EHF: variants seen among roughly 807,000 people sequenced by gnomAD.
The protein encoded by EHF is ETS homologous factor, also known as ESE3 transcription factor.
Under a neutral mutation model 45.1 loss-of-function variants are expected in EHF, and 14 were observed. The observed-to-expected ratio is 0.31, with a 90% CI of 0.21 to 0.49. The LOEUF is 0.49. Among genes scored for constraint, EHF ranks in the 20% least tolerant of loss-of-function variants. EHF has a pLI of 0.99. For missense variants in EHF, 282 were observed against 371.4 expected (o/e 0.76, Z 1.98); for synonymous variants, 136 against 131.8 (o/e 1.03, Z -0.22).
rs755937858 is a variant in EHF, at chr11:34,657,021, C to A, written c.607+51C>A. 2.5e-6 allele frequency: 4 copies of A among 1,604,534 alleles called. No individual in the cohort carries two copies. The Admixed American group carries it at 5.1e-5, about 20-fold the overall frequency. ...CTTTGGTCCTTCCCATCACATCGGG[C>A]ACATCTGGAGGCCACTAGTTTTTTG... On this transcript the variant is annotated intron_variant, in intron 7 of 8. Coordinates refer to ENST00000257831, the MANE Select transcript of EHF (RefSeq NM_012153.6).
At chr11:34,646,027 GGTGTGTGTGTGTGTGTGTGT>G (rs71041935) in intron 2 of EHF, among the ~76,000 whole-genome samples, 2 of 144,328 alleles carry the variant, frequency 1.4e-5, no homozygotes, top group South Asian at 2.3e-4. Flanking sequence ...TGAGTTTGGT[GGTGTGTGTGTGTGTGTGTGT>G]GTGTGTGTGT....
In EHF at chr11:34,659,058, C is replaced by A. The variant is rs1341306296; in HGVS notation, c.*127C>A. 4 of 668,108 alleles carry A rather than the reference C, an allele frequency of 6.0e-6. No individual in the cohort carries two copies. Among genetic ancestry groups the A allele is most frequent in the Non-Finnish European group, 9.8e-6 (4 of 407,476 alleles). 41.4% of individuals were successfully genotyped at this position (668,108 alleles called of 1,614,324 possible). A position where few individuals can be genotyped will look rare whatever the true frequency, so the allele number is the denominator to read the frequency against. On this transcript the variant is annotated 3_prime_UTR_variant, in exon 9 of 9. Transcript: ENST00000257831. The stretch of plus-strand genomic sequence containing the variant: ...TATGTACCATGAGGGGAACAAGAAA[C>A]TACTTCTAACGGGAAGAAGAAACAC...
At chr11:34,645,849 G>A (rs1854456256) in intron 2 of EHF, among the ~76,000 whole-genome samples, 1 of 152,268 alleles carries the variant, frequency 6.6e-6, no homozygotes, top group South Asian at 2.1e-4. Flanking sequence ...GACTACTAAA[G>A]GTAACTGAGT....
chr11:34,643,857 G>A (rs544662222), intron 2 of EHF, among the ~76,000 whole-genome samples: 1 of 152,320 alleles, frequency 6.6e-6, no homozygotes, highest in African/African-American at 2.4e-5. Context: ...TCTCCTGCTT[G>A]CTCTGGAGAA....
rs1855746045 is a variant in EHF at position 34,657,101 on chromosome 11, T to G, written c.607+131T>G. The G allele has an allele frequency of 2.7e-6, 3 of 1,111,554 alleles. No homozygotes were observed. The South Asian group carries it at 4.5e-5, about 17-fold the overall frequency. 68.9% of individuals were successfully genotyped at this position (1,111,554 alleles called of 1,614,324 possible). A position where few individuals can be genotyped will look rare whatever the true frequency, so the allele number is the denominator to read the frequency against. On this transcript the variant is annotated intron_variant, in intron 7 of 8. Coordinates refer to ENST00000257831, the MANE Select transcript of EHF (RefSeq NM_012153.6). ...TGTCTTCATCCCAAACAGGGTGGAGTGAGAAAATAGAGGCATCACTTGCTA... is the reference window on the plus strand; with the variant it reads ...TGTCTTCATCCCAAACAGGGTGGAGGGAGAAAATAGAGGCATCACTTGCTA...
rs577745624 is a variant in EHF at position 34,648,490 on chromosome 11, T to A, written c.344-529T>A. Among the ~76,000 whole-genome samples, 10 of 152,302 alleles carry A rather than the reference T, an allele frequency of 6.6e-5. No homozygotes were observed. The South Asian group carries it at 1.9e-3, about 28-fold the overall frequency. On this transcript the variant is annotated intron_variant, in intron 3 of 8. Transcript: ENST00000257831. Reference sequence around the variant, plus strand: ...ATAAGGAAAGAGTCACCACATTTTATCCAGACATATCTCACAGATTGGATG... The same window carrying A: ...ATAAGGAAAGAGTCACCACATTTTAACCAGACATATCTCACAGATTGGATG...
At chr11:34,635,428 A>G (rs1221778860) in intron 1 of EHF, among the ~76,000 whole-genome samples, 1 of 144,860 alleles carries the variant, frequency 6.9e-6, no homozygotes, top group Non-Finnish European at 1.5e-5. Flanking sequence ...TATTAGCCCT[A>G]GCCCCAATCC....
chr11:34,629,909 C>T (rs1852717644), intron 1 of EHF, among the ~76,000 whole-genome samples: 1 of 151,892 alleles, frequency 6.6e-6, no homozygotes, highest in South Asian at 2.1e-4. Flanking sequence ...GTTAATAAGT[C>T]TGAGGTGGCT....
chr11:34,621,868 G>A (rs749024255), intron 1 of EHF, among the ~76,000 whole-genome samples: 6 of 152,178 alleles, frequency 3.9e-5, no homozygotes, highest in Non-Finnish European at 8.8e-5. Flanking sequence ...TTTTGGCAAA[G>A]GGCTTCACTG....
intron 1 of EHF, among the ~76,000 whole-genome samples, chr11:34,625,715 T>C (rs1001451512): frequency 6.6e-6 from 1 of 152,246 alleles, no homozygotes. Flanking sequence ...AATACTCCTA[T>C]GAAAACTTAT....
chr11:34,632,550 A>G (rs1852990446), intron 1 of EHF: 5 of 1,535,310 alleles, frequency 3.3e-6, no homozygotes, highest in Non-Finnish European at 4.4e-6. Flanking sequence ...CTCTCTGCCA[A>G]CTCCACGTCC....
At chr11:34,623,511 T>C (rs1022661649) in intron 1 of EHF, among the ~76,000 whole-genome samples, 1 of 152,220 alleles carries the variant, frequency 6.6e-6, no homozygotes, top group Admixed American at 6.5e-5. Context: ...GTACCCTAAA[T>C]GCTCCCATTA....
At chr11:34,631,577 G>T in intron 1 of EHF, 1 of 984,242 alleles carries the variant, frequency 1.0e-6, no homozygotes, top group Non-Finnish European at 1.2e-6. Flanking sequence ...GGGACCTGAG[G>T]CCTCAAATCT....
intron 2 of EHF, among the ~76,000 whole-genome samples, chr11:34,643,849 T>G (rs1854260035): frequency 6.6e-6 from 1 of 152,210 alleles, no homozygotes; most frequent in Admixed American, 6.5e-5. Context: ...GCAGCATTTC[T>G]CCTGCTTGCT....
chr11:34,642,868 T>C, intron 2 of EHF, 141 bp downstream of exon 2: 1 of 663,216 alleles, frequency 1.5e-6, no homozygotes, highest in Admixed American at 2.6e-5. Context: ...AAACTCAGTT[T>C]TGGAGTTCCC....
At chr11:34,622,416 G>C in intron 1 of EHF, 1 of 1,285,322 alleles carries the variant, frequency 7.8e-7, no homozygotes, top group Non-Finnish European at 1.0e-6. Context: ...CAGCCATGGA[G>C]GTAAAGATGT....
chr11:34,653,565 G>A (rs1855401101), intron 6 of EHF, among the ~76,000 whole-genome samples: 1 of 152,120 alleles, frequency 6.6e-6, no homozygotes, highest in Non-Finnish European at 1.5e-5. Flanking sequence ...TCTATCCTGT[G>A]ATTGTAACCC....
rs1391085134 is a variant in EHF at position 34,662,775 on chromosome 11, A to G, written c.*3844A>G. On this transcript the variant is annotated 3_prime_UTR_variant, in exon 9 of 9. Coordinates refer to ENST00000257831, the MANE Select transcript of EHF (RefSeq NM_012153.6). ...GTTGAGTGCCTGCTATGTGCACGGC[A>G]TGGGCCCATATGTGTGAGGAGCTTG... 6.6e-6 allele frequency among the ~76,000 whole-genome samples: 1 copy of G among 152,154 alleles called. No homozygotes were observed. Among genetic ancestry groups the G allele is most frequent in the Non-Finnish European group, 1.5e-5 (1 of 68,010 alleles).
rs540501039 is a variant in EHF, at chr11:34,649,132, G to C, written c.406+51G>C. 15 of 1,595,652 alleles carry C rather than the reference G, an allele frequency of 9.4e-6. No homozygotes were observed. The South Asian group carries it at 1.1e-4, about 12-fold the overall frequency. On this transcript the variant is annotated intron_variant, in intron 4 of 8. Coordinates refer to ENST00000257831, the MANE Select transcript of EHF (RefSeq NM_012153.6). ...CAACCTAGCCTGGCAAAGCTCCGGG[G>C]AGGACAGTTGGGAGAGGGCAAGAGA...
Sources: gnomAD v4.1 joint callset for allele counts (sites outside exome capture counted in the v4.1 genomes callset) on GRCh38, gnomAD v4.1.1 for gene constraint, MANE v1.5 for transcripts, NCBI Gene and HGNC (gene_info 2026-07-23, HGNC 2026-07-21) for gene names.